Variants in EYA1 observed in about 807,000 individuals in gnomAD.
EYA1 encodes the protein EYA transcriptional coactivator and phosphatase 1, also known as protein phosphatase EYA1.
Under a neutral mutation model 82.0 loss-of-function variants are expected in EYA1, and 16 were observed. The observed-to-expected ratio is 0.20, with a 90% confidence interval of 0.13 to 0.30. The LOEUF (loss-of-function observed/expected upper bound fraction) is 0.30. Ranked by LOEUF, EYA1 falls within the 10% of genes least tolerant of loss-of-function variation. EYA1 has a pLI of 1.00. For synonymous variants in EYA1, 261 were observed against 264.4 expected, an observed-to-expected ratio of 0.99 and a Z score of 0.12; for missense variants, 633 against 730.7, an observed-to-expected ratio of 0.87 and a Z score of 1.54.
At chr8:71,266,440 A>G (rs1815821622) in intron 11 of EYA1, among the ~76,000 whole-genome samples, 1 of 152,176 alleles carries the variant, frequency 6.6e-6, no homozygotes, top group African/African-American at 2.4e-5. Flanking sequence ...GCCAATTCTT[A>G]TCAACTGTAA....
rs1047111058 is a variant in EYA1 at position 71,274,650 on chromosome 8, G to T, written c.827-2753C>A. Among the ~76,000 whole-genome samples, 5 of 152,306 alleles carry T rather than the reference G, an allele frequency of 3.3e-5. No homozygotes were observed. The South Asian group carries it at 8.3e-4, about 25-fold the overall frequency. On this transcript the variant is annotated intron_variant, in intron 9 of 17. Transcript: ENST00000340726. ...CTCGGAGCTTACAATTCAGAGGAAGGCATTGACTTGTGGACAAAAATGAGA... is the reference window on the plus strand; with the variant it reads ...CTCGGAGCTTACAATTCAGAGGAAGTCATTGACTTGTGGACAAAAATGAGA...
At chr8:71,475,158 GA>G (rs1212809433) in intron 2 of EYA1, among the ~76,000 whole-genome samples, 1 of 152,048 alleles carries the variant, frequency 6.6e-6, no homozygotes, top group Non-Finnish European at 1.5e-5. Flanking sequence ...GAAAAGAATG[GA>G]GTAGATATTC....
intron 10 of EYA1, among the ~76,000 whole-genome samples, chr8:71,270,038 A>ATG (rs1816329162): frequency 6.6e-6 from 1 of 152,214 alleles, no homozygotes; most frequent in Admixed American, 6.5e-5. Flanking sequence ...TACATTTGTA[A>ATG]TGTCAATATA....
At chr8:71,315,443 T>C (rs1821816687) in intron 7 of EYA1, among the ~76,000 whole-genome samples, 1 of 152,170 alleles carries the variant, frequency 6.6e-6, no homozygotes, top group Non-Finnish European at 1.5e-5. Flanking sequence ...CTTTCCCACT[T>C]TTAGGATCCA....
At position 71,201,247 on chromosome 8, in the gene EYA1, A is replaced by C. The variant is rs548634410; in HGVS notation, c.1699-1827T>G. ...CTAGTTAAAAAAAAAAGAAAAAAAA[A>C]AACAACCTGAGGCTTAGTGATGAAA... On this transcript the variant is annotated intron_variant, in intron 17 of 17. Coordinates refer to ENST00000340726, the MANE Select transcript of EYA1 (RefSeq NM_000503.6). Among the ~76,000 whole-genome samples the C allele has an allele frequency of 1.4e-3, 219 of 151,926 alleles. 1 individual carries two copies. The highest frequency in any genetic ancestry group is 1.4e-3 in the Non-Finnish European group (96 of 67,972).
intron 12 of EYA1, among the ~76,000 whole-genome samples, chr8:71,218,738 C>T (rs9643622): frequency 0.14 from 21,286 of 151,898 alleles, 2,287 homozygotes; most frequent in East Asian, 0.55. Context: ...CGACAACATA[C>T]TAAATCCTGA....
chr8:71,394,941 A>G (rs1316935889), intron 2 of EYA1, among the ~76,000 whole-genome samples: 1 of 152,186 alleles, frequency 6.6e-6, no homozygotes, highest in Non-Finnish European at 1.5e-5. Context: ...ATGTTCTTCC[A>G]TTTGTTTGTA....
chr8:71,299,813 T>G lies in EYA1; in HGVS notation c.557-93A>C, dbSNP rs925452561. ...CATTTAGAAAAGGCAGAATTGGTATTTGGTTTATCTTCGACACTAGAATCT... is the reference window on the plus strand; with the variant it reads ...CATTTAGAAAAGGCAGAATTGGTATGTGGTTTATCTTCGACACTAGAATCT... On this transcript the variant is annotated intron_variant, in intron 7 of 17. Coordinates refer to ENST00000340726, the MANE Select transcript of EYA1 (RefSeq NM_000503.6). The G allele has an allele frequency of 6.5e-6, 5 of 769,566 alleles. No individual in the cohort carries two copies. The African/African-American group carries it at 8.5e-5, about 13-fold the overall frequency. The allele number at this position is 769,566 out of a possible 1,614,324, so 47.7% of individuals were successfully genotyped here. A position where few individuals can be genotyped will look rare whatever the true frequency, so the allele number is the denominator to read the frequency against.
At chr8:71,467,270 A>G (rs1808847496) in intron 2 of EYA1, among the ~76,000 whole-genome samples, 1 of 152,128 alleles carries the variant, frequency 6.6e-6, no homozygotes, top group Non-Finnish European at 1.5e-5. Flanking sequence ...TCAGGGTCCA[A>G]CATTTTAAAA....
intron 2 of EYA1, among the ~76,000 whole-genome samples, chr8:71,431,383 G>T (rs6472587): frequency 6.6e-6 from 1 of 151,938 alleles, no homozygotes; most frequent in East Asian, 1.9e-4. Flanking sequence ...TTTTGCCACC[G>T]CTCCAGTCTG....
chr8:71,401,977 C>T (rs1829983215), intron 2 of EYA1, among the ~76,000 whole-genome samples: 1 of 152,188 alleles, frequency 6.6e-6, no homozygotes, highest in Admixed American at 6.5e-5. Flanking sequence ...ACCGTAAGAA[C>T]TGTCCAGTCA....
chr8:71,413,713 T>C, intron 2 of EYA1, among the ~76,000 whole-genome samples: 1 of 152,240 alleles, frequency 6.6e-6, no homozygotes, highest in East Asian at 1.9e-4. Flanking sequence ...GTGTTTCGTT[T>C]TGCTTTGTTT....
At chr8:71,450,362 T>G (rs1032291065) in intron 2 of EYA1, among the ~76,000 whole-genome samples, 15 of 152,196 alleles carry the variant, frequency 9.9e-5, no homozygotes, top group African/African-American at 3.6e-4. Flanking sequence ...TTAACAGACC[T>G]AATTTGACTA....
intron 2 of EYA1, among the ~76,000 whole-genome samples, chr8:71,430,265 A>G (rs1805519671): frequency 6.6e-6 from 1 of 152,166 alleles, no homozygotes; most frequent in Non-Finnish European, 1.5e-5. Flanking sequence ...CACAAAGAAG[A>G]TATCATTAAG....
chr8:71,279,299 C>T (rs1406925307), intron 9 of EYA1, among the ~76,000 whole-genome samples: 3 of 152,096 alleles, frequency 2.0e-5, no homozygotes, highest in Non-Finnish European at 2.9e-5. Flanking sequence ...CACATGAGCA[C>T]GAAGTAGATG....
intron 9 of EYA1, among the ~76,000 whole-genome samples, chr8:71,291,738 T>G (rs1819019090): frequency 6.6e-6 from 1 of 152,212 alleles, no homozygotes; most frequent in Admixed American, 6.5e-5. Context: ...CTTGATTAAC[T>G]TAATGATACC....
At chr8:71,480,396 AAAAGT>A (rs1226459890) in intron 2 of EYA1, among the ~76,000 whole-genome samples, 2 of 152,348 alleles carry the variant, frequency 1.3e-5, no homozygotes, top group Non-Finnish European at 2.9e-5. Context: ...ACAACAGTAC[AAAAGT>A]AATCACTTGG....
chr8:71,253,503 T>C (rs1451209479), intron 11 of EYA1, among the ~76,000 whole-genome samples: 1 of 152,178 alleles, frequency 6.6e-6, no homozygotes, highest in African/African-American at 2.4e-5. Context: ...AGTTGATTAC[T>C]TCCCAGTCAA....
intron 12 of EYA1, among the ~76,000 whole-genome samples, chr8:71,234,415 A>T (rs903546570): frequency 6.6e-6 from 1 of 152,030 alleles, no homozygotes; most frequent in Admixed American, 6.6e-5. Flanking sequence ...CATCTGGCTG[A>T]TGTCTTCCAC....
Sources: allele counts gnomAD v4.1 joint callset (sites outside exome capture counted in the v4.1 genomes callset), GRCh38; gene constraint gnomAD v4.1.1; transcripts MANE v1.5; gene names NCBI Gene and HGNC (gene_info 2026-07-23, HGNC 2026-07-21).